The following MYO3B variants were observed in gnomAD, a reference collection of about 807,000 sequenced individuals.
The protein encoded by MYO3B is myosin-IIIb.
In MYO3B, 156 loss-of-function variants were observed where a neutral mutation model predicts 174.6. That is an observed-to-expected ratio of 0.89 (90% CI 0.78 to 1.02). The LOEUF (loss-of-function observed/expected upper bound fraction) is 1.02. Among genes scored for constraint, MYO3B ranks in the 50% least tolerant of loss-of-function variants. The pLI is 0.00. For synonymous variants in MYO3B, 563 were observed against 569.1 expected (o/e 0.99, Z 0.15); for missense variants, 1,632 against 1,639.4 (o/e 1.00, Z 0.08).
At chr2:170,189,982 C>T (rs1165042454) in intron 1 of MYO3B, among the ~76,000 whole-genome samples, 1 of 152,138 alleles carries the variant, frequency 6.6e-6, no homozygotes, top group African/African-American at 2.4e-5. Context: ...TTTAGGAAGG[C>T]TTTCCAGGTA....
At chr2:170,489,828 T>A (rs1370103803) in intron 25 of MYO3B, among the ~76,000 whole-genome samples, 1 of 152,124 alleles carries the variant, frequency 6.6e-6, no homozygotes, top group African/African-American at 2.4e-5. Flanking sequence ...TAATCTGCTT[T>A]ACTTAAATAA....
intron 7 of MYO3B, among the ~76,000 whole-genome samples, chr2:170,268,466 G>C (rs2105364420): frequency 6.6e-6 from 1 of 152,274 alleles, no homozygotes; most frequent in African/African-American, 2.4e-5. Flanking sequence ...AGTGAAAACT[G>C]GTCAAAATAT....
At chr2:170,204,958 CA>C (rs1274166256) in intron 3 of MYO3B, among the ~76,000 whole-genome samples, 8 of 151,818 alleles carry the variant, frequency 5.3e-5, no homozygotes. Flanking sequence ...TTTTTATATC[CA>C]AGTGCCCAGT....
chr2:170,623,595 A>G (rs1696128667), intron 32 of MYO3B, among the ~76,000 whole-genome samples: 3 of 152,114 alleles, frequency 2.0e-5, no homozygotes, highest in Admixed American at 2.0e-4. Flanking sequence ...CCATTTGTCA[A>G]TTTTGGCTTT....
At chr2:170,495,286 A>G (rs1394159694) in intron 25 of MYO3B, among the ~76,000 whole-genome samples, 1 of 152,192 alleles carries the variant, frequency 6.6e-6, no homozygotes, top group Non-Finnish European at 1.5e-5. Context: ...CAGGAGCTCA[A>G]AGTGATTTAT....
chr2:170,625,037 T>G (rs1361164295), intron 32 of MYO3B, among the ~76,000 whole-genome samples: 3 of 152,220 alleles, frequency 2.0e-5, no homozygotes, highest in Non-Finnish European at 4.4e-5. Flanking sequence ...CTTGTTTTGT[T>G]GTGTCTCTGC....
chr2:170,514,797 A>G, intron 28 of MYO3B, 124 bp from the exon 29 acceptor site: 1 of 702,706 alleles, frequency 1.4e-6, no homozygotes, highest in Non-Finnish European at 2.4e-6. Context: ...GAGATTAGTC[A>G]CCTTGGTGCC....
intron 22 of MYO3B, among the ~76,000 whole-genome samples, chr2:170,431,813 C>A (rs942990594): frequency 6.6e-6 from 1 of 152,194 alleles, no homozygotes; most frequent in Non-Finnish European, 1.5e-5. Context: ...TTCCTTCCCT[C>A]CACAAAACTA....
chr2:170,561,354 A>T (rs962615645), intron 32 of MYO3B, among the ~76,000 whole-genome samples: 3 of 152,252 alleles, frequency 2.0e-5, no homozygotes, highest in Non-Finnish European at 4.4e-5. Context: ...TTTACTTACT[A>T]GTTATCTGTA....
chr2:170,382,901 A>G (rs1033399402), intron 10 of MYO3B, 172 bp from the exon 11 acceptor site: 6 of 509,210 alleles, frequency 1.2e-5, no homozygotes, highest in African/African-American at 9.6e-5. Context: ...CAAGGCAAAT[A>G]TTGGCATTGT....
At chr2:170,389,726 G>T (rs138655731) in intron 14 of MYO3B, among the ~76,000 whole-genome samples, 2 of 152,260 alleles carry the variant, frequency 1.3e-5, no homozygotes, top group African/African-American at 2.4e-5. Context: ...TCCTGTCTCA[G>T]TGAAGGGTGC....
In MYO3B at chr2:170,402,938, C is replaced by T. The variant is rs755347784; in HGVS notation, c.2220C>T (p.Asn740=). ...QRNSFEQLCI[N]IANEQIQYYF... is the part of the protein sequence containing the mutation. ...ATTCATTTGAGCAGCTCTGCATAAACATCGCCAATGAGCAAATCCAGTACT... is the reference window on the plus strand; with the variant it reads ...ATTCATTTGAGCAGCTCTGCATAAATATCGCCAATGAGCAAATCCAGTACT... Residue 740 remains asparagine, a synonymous_variant, in exon 19 of 35, where the codon AAC becomes AAT. Coordinates refer to ENST00000408978, the MANE Select transcript of MYO3B (RefSeq NM_138995.5). The T allele has an allele frequency of 6.2e-7, 1 of 1,611,206 alleles. No individual in the cohort carries two copies. The highest frequency in any genetic ancestry group is 8.5e-7 in the Non-Finnish European group (1 of 1,177,822).
intron 9 of MYO3B, among the ~76,000 whole-genome samples, chr2:170,379,670 T>A (rs2094321587): frequency 6.6e-6 from 1 of 152,226 alleles, no homozygotes; most frequent in South Asian, 2.1e-4. Flanking sequence ...TGATTTTTCT[T>A]TGCCATCACC....
At chr2:170,487,096 A>C (rs897760987) in intron 25 of MYO3B, among the ~76,000 whole-genome samples, 16 of 152,190 alleles carry the variant, frequency 1.1e-4, no homozygotes, top group Non-Finnish European at 2.2e-4. Context: ...TTGTATCTCC[A>C]GGTGATTCTG....
chr2:170,387,304 G>A lies in MYO3B; in HGVS notation c.1573G>A (p.Ala525Thr). 1 of 1,614,042 alleles carries A rather than the reference G, an allele frequency of 6.2e-7. No individual in the cohort carries two copies. The highest frequency in any genetic ancestry group is 8.5e-7 in the Non-Finnish European group (1 of 1,179,930). ...GGAAAAATCCAGAGTTATAAAACAG[G>A]CAGCGTAGGTGCACTACTTTATCAC... ...LLEKSRVIKQ[A>T]AREKNFHIFY... The change falls in exon 14 of 35, where the codon GCA becomes ACA. Residue 525 changes from alanine (A) to threonine (T), a missense_variant. Physicochemically the swap from Ala to Thr is moderately conservative, Grantham distance 58. Transcript: ENST00000408978.
At chr2:170,641,786 TAACTCTAAAAGA>T (rs1274616270) in intron 32 of MYO3B, among the ~76,000 whole-genome samples, 3 of 127,038 alleles carry the variant, frequency 2.4e-5, no homozygotes, top group Admixed American at 1.0e-4. Context: ...TTTCAAAAAG[TAACTCTAAAAGA>T]AACATACTAT....
intron 1 of MYO3B, among the ~76,000 whole-genome samples, chr2:170,195,928 T>C (rs2092595298): frequency 6.6e-6 from 1 of 152,200 alleles, no homozygotes; most frequent in South Asian, 2.1e-4. Context: ...ATATTAACCA[T>C]CACACATATA....
intron 22 of MYO3B, among the ~76,000 whole-genome samples, chr2:170,432,640 G>T (rs148507407): frequency 0.065 from 9,856 of 150,850 alleles, 461 homozygotes; most frequent in East Asian, 0.26. Flanking sequence ...GCAGTGGCAC[G>T]ATCTCGGCTC....
At chr2:170,357,438 T>C (rs1489338740) in intron 8 of MYO3B, among the ~76,000 whole-genome samples, 1 of 150,442 alleles carries the variant, frequency 6.6e-6, no homozygotes, top group East Asian at 1.9e-4. Context: ...TTTCACATTG[T>C]CTGACAGAAA....
Sources: gnomAD v4.1 joint callset for allele counts (sites outside exome capture counted in the v4.1 genomes callset) on GRCh38, gnomAD v4.1.1 for gene constraint, MANE v1.5 for transcripts, NCBI Gene and HGNC (gene_info 2026-07-23, HGNC 2026-07-21) for gene names.